Variants in POU6F2 observed in about 807,000 individuals in gnomAD.
The protein encoded by POU6F2 is POU domain, class 6, transcription factor 2.
A neutral mutation model predicts 71.3 loss-of-function variants in POU6F2; 31 were observed. That is an observed-to-expected ratio of 0.43 (90% CI 0.33 to 0.59). The LOEUF (loss-of-function observed/expected upper bound fraction) is 0.59, where lower values mean the gene tolerates loss of function less well. Among genes scored for constraint, POU6F2 ranks in the 20% least tolerant of loss-of-function variants. The pLI is 0.04. For missense variants in POU6F2, 783 were observed against 856.8 expected (o/e 0.91, Z 1.07); for synonymous variants, 347 against 355.7 (o/e 0.98, Z 0.27).
At chr7:39,265,942 A>G (rs139944124) in intron 4 of POU6F2, among the ~76,000 whole-genome samples, 11 of 152,346 alleles carry the variant, frequency 7.2e-5, no homozygotes, top group African/African-American at 2.2e-4. Context: ...CTTATCAGTT[A>G]AAGTCTGTTT....
At chr7:39,056,678 A>ATGTGTGTGTGTG (rs3057270) in intron 1 of POU6F2, among the ~76,000 whole-genome samples, 159 of 142,220 alleles carry the variant, frequency 1.1e-3, no homozygotes, top group East Asian at 4.7e-3. Context: ...GTGTGTGTGT[A>ATGTGTGTGTGTG]TGTGTGTGTG....
intron 4 of POU6F2, among the ~76,000 whole-genome samples, chr7:39,267,958 C>T (rs1278758176): frequency 6.6e-6 from 1 of 152,192 alleles, no homozygotes; most frequent in Non-Finnish European, 1.5e-5. Context: ...ACACAGCTTG[C>T]TTGTGAGGAG....
At chr7:39,090,477 A>G (rs1277637490) in intron 2 of POU6F2, among the ~76,000 whole-genome samples, 2 of 152,090 alleles carry the variant, frequency 1.3e-5, no homozygotes, top group Non-Finnish European at 2.9e-5. Context: ...CCCATGCATC[A>G]GTGGAGGCCT....
intron 2 of POU6F2, among the ~76,000 whole-genome samples, chr7:39,157,600 TA>T (rs1329720479): frequency 6.6e-6 from 1 of 152,222 alleles, no homozygotes; most frequent in East Asian, 1.9e-4. Flanking sequence ...TGTAAGGAAT[TA>T]ATTTACAGCT....
chr7:39,360,911 T>C (rs937798451), intron 5 of POU6F2, among the ~76,000 whole-genome samples: 3 of 152,142 alleles, frequency 2.0e-5, no homozygotes, highest in African/African-American at 7.2e-5. Flanking sequence ...TTGGTGGGTT[T>C]TGGCCGGCTT....
intron 4 of POU6F2, among the ~76,000 whole-genome samples, chr7:39,244,427 A>G (rs78143531): frequency 6.8e-4 from 103 of 152,252 alleles, no homozygotes; most frequent in African/African-American, 2.4e-3. Flanking sequence ...CTTTCTCTGA[A>G]ACTGAATTTC....
intron 1 of POU6F2, among the ~76,000 whole-genome samples, chr7:39,016,414 A>G (rs2128705602): frequency 6.6e-6 from 1 of 151,906 alleles, no homozygotes; most frequent in Non-Finnish European, 1.5e-5. Flanking sequence ...CTAAACTAGG[A>G]CATGGGACAG....
intron 4 of POU6F2, among the ~76,000 whole-genome samples, chr7:39,312,578 A>G (rs1375995396): frequency 1.3e-5 from 2 of 152,182 alleles, no homozygotes; most frequent in East Asian, 3.9e-4. Flanking sequence ...GTAGCATCAA[A>G]CCCTCTATGT....
intron 4 of POU6F2, among the ~76,000 whole-genome samples, chr7:39,215,970 C>T (rs1794234326): frequency 6.6e-6 from 1 of 152,154 alleles, no homozygotes; most frequent in Non-Finnish European, 1.5e-5. Flanking sequence ...AAGAAGCAGC[C>T]CCTGTCTGGG....
chr7:39,033,172 G>A (rs1031188072), intron 1 of POU6F2, among the ~76,000 whole-genome samples: 5 of 152,178 alleles, frequency 3.3e-5, no homozygotes, highest in Non-Finnish European at 7.4e-5. Context: ...ATACATCAAT[G>A]ATCAGTTGCC....
intron 4 of POU6F2, among the ~76,000 whole-genome samples, chr7:39,228,630 A>G (rs576668519): frequency 6.6e-6 from 1 of 152,244 alleles, no homozygotes; most frequent in Non-Finnish European, 1.5e-5. Context: ...TAATCACAGG[A>G]TGCCGCCGAG....
intron 2 of POU6F2, among the ~76,000 whole-genome samples, chr7:39,156,594 CTAACTT>C (rs1469352633): frequency 6.6e-6 from 1 of 152,166 alleles, no homozygotes; most frequent in Non-Finnish European, 1.5e-5. Flanking sequence ...GATTTGCAAA[CTAACTT>C]TAATACATGG....
chr7:39,355,100 C>T (rs1437801266), intron 5 of POU6F2, among the ~76,000 whole-genome samples: 2 of 152,170 alleles, frequency 1.3e-5, no homozygotes, highest in African/African-American at 4.8e-5. Flanking sequence ...GGAAGACAGG[C>T]AGTCATGGAA....
At chr7:39,238,395 T>C (rs951305258) in intron 4 of POU6F2, among the ~76,000 whole-genome samples, 2 of 152,096 alleles carry the variant, frequency 1.3e-5, no homozygotes, top group African/African-American at 4.8e-5. Context: ...CTTGGCAAAC[T>C]TCAGTCTGCC....
At chr7:39,300,215 C>T (rs1784927685) in intron 4 of POU6F2, among the ~76,000 whole-genome samples, 1 of 152,170 alleles carries the variant, frequency 6.6e-6, no homozygotes, top group African/African-American at 2.4e-5. Flanking sequence ...AAGTTTAAAA[C>T]TTCTACATGG....
chr7:39,373,416 A>G (rs149638788), intron 5 of POU6F2: 71 of 456,522 alleles, frequency 1.6e-4, no homozygotes, highest in Non-Finnish European at 2.6e-4. Context: ...AAGAGCCAAC[A>G]GTCATGTTCC....
chr7:39,019,010 T>C (rs1562672758), intron 1 of POU6F2, among the ~76,000 whole-genome samples: 1 of 152,180 alleles, frequency 6.6e-6, no homozygotes, highest in Non-Finnish European at 1.5e-5. Context: ...TTCTTGGAAT[T>C]TCCTTTCATT....
chr7:39,027,072 G>T (rs560413588), intron 1 of POU6F2, among the ~76,000 whole-genome samples: 17 of 152,198 alleles, frequency 1.1e-4, no homozygotes, highest in Admixed American at 1.1e-3. Context: ...AGTAGGTTTT[G>T]CTTAGGATTA....
At chr7:39,124,901 C>G (rs1792112708) in intron 2 of POU6F2, among the ~76,000 whole-genome samples, 1 of 152,012 alleles carries the variant, frequency 6.6e-6, no homozygotes, top group Non-Finnish European at 1.5e-5. Context: ...TTTATATTTT[C>G]TTTGTATGTG....
Sources: gnomAD v4.1 joint callset for allele counts (sites outside exome capture counted in the v4.1 genomes callset) on GRCh38, gnomAD v4.1.1 for gene constraint, MANE v1.5 for transcripts, NCBI Gene and HGNC (gene_info 2026-07-23, HGNC 2026-07-21) for gene names.